The following AHCYL2 variants were observed in gnomAD, a reference collection of about 807,000 sequenced individuals.
AHCYL2 encodes the protein S-adenosylhomocysteine hydrolase-like protein 2.
AHCYL2 carries 28 observed loss-of-function variants against 81.4 expected under a neutral mutation model. That is an observed-to-expected ratio of 0.34 (90% CI 0.25 to 0.47). The LOEUF (loss-of-function observed/expected upper bound fraction) is 0.47, where lower values mean the gene tolerates loss of function less well. Among genes scored for constraint, AHCYL2 ranks in the 20% least tolerant of loss-of-function variants. The pLI is 1.00. For missense variants in AHCYL2, 551 were observed against 785.1 expected, an observed-to-expected ratio of 0.70 and a Z score of 3.56; for synonymous variants, 272 against 290.2, an observed-to-expected ratio of 0.94 and a Z score of 0.64.
At chr7:129,309,960 T>C (rs1173590348) in intron 1 of AHCYL2, among the ~76,000 whole-genome samples, 3 of 152,302 alleles carry the variant, frequency 2.0e-5, no homozygotes, top group Middle Eastern at 6.8e-3. Context: ...TCTTGTGAAC[T>C]CTTTCAACTT....
Position 129,406,559 on chromosome 7 carries a change from GAT to G in AHCYL2, c.1295+94_1295+95del. 1 of 1,156,232 alleles carries G rather than the reference GAT, an allele frequency of 8.6e-7. No homozygotes were observed. The highest frequency in any genetic ancestry group is 2.0e-4 in the Middle Eastern group (1 of 5,046). 71.6% of individuals were successfully genotyped at this position (1,156,232 alleles called of 1,614,324 possible). A position where few individuals can be genotyped will look rare whatever the true frequency, so the allele number is the denominator to read the frequency against. ...CCACACTTTATTTTAGAGGAGCCCA[GAT>G]CCTCAGAGATGCTGCCACTAACTCT... On this transcript the variant is annotated intron_variant, in intron 10 of 16. Transcript: ENST00000325006. This position sits in a 1 kb window ranked among gnomAD's most constrained non-coding sequence, Gnocchi z 4.3.
chr7:129,282,570 T>C (rs1045525534), intron 1 of AHCYL2, among the ~76,000 whole-genome samples: 6 of 152,204 alleles, frequency 3.9e-5, no homozygotes, highest in African/African-American at 1.4e-4. Flanking sequence ...CTTATTTTCT[T>C]TCTCCCATGT....
chr7:129,420,557 G>A (rs867656638), intron 12 of AHCYL2, among the ~76,000 whole-genome samples: 1 of 144,212 alleles, frequency 6.9e-6, no homozygotes, highest in Non-Finnish European at 1.5e-5. Context: ...TCAGCTCACT[G>A]CAGACTCGAC....
At chr7:129,270,808 G>A (rs764323742) in intron 1 of AHCYL2, among the ~76,000 whole-genome samples, 1 of 152,222 alleles carries the variant, frequency 6.6e-6, no homozygotes, top group Non-Finnish European at 1.5e-5. Context: ...TGTCAAGGAA[G>A]TTTGTCCACT....
At chr7:129,303,631 T>C (rs1214227236) in intron 1 of AHCYL2, among the ~76,000 whole-genome samples, 1 of 152,208 alleles carries the variant, frequency 6.6e-6, no homozygotes, top group East Asian at 1.9e-4. Flanking sequence ...TTGTATTGTT[T>C]TCTTCATTTC....
At chr7:129,266,382 C>A (rs1795811199) in intron 1 of AHCYL2, among the ~76,000 whole-genome samples, 1 of 152,166 alleles carries the variant, frequency 6.6e-6, no homozygotes, top group Non-Finnish European at 1.5e-5. Context: ...CACCTTGGGG[C>A]TGGGCGTGGT....
In AHCYL2 at chr7:129,340,223, CT is replaced by C. The variant is rs1397880883; in HGVS notation, c.364-39411del. Among the ~76,000 whole-genome samples, 30 of 148,960 alleles carry C rather than the reference CT, an allele frequency of 2.0e-4. No homozygotes were observed. In the East Asian group the frequency reaches 6.1e-3, roughly 30 times the overall value. ...AGGCATGAGCCACCGCGCCTGGCCC[CT>C]TTTCCTCTGTTCTTTATGACTTTCT... On this transcript the variant is annotated intron_variant, in intron 1 of 16. Coordinates refer to ENST00000325006, the MANE Select transcript of AHCYL2 (RefSeq NM_015328.4).
intron 1 of AHCYL2, among the ~76,000 whole-genome samples, chr7:129,276,036 G>A (rs1001811731): frequency 3.9e-5 from 6 of 152,008 alleles, no homozygotes; most frequent in Admixed American, 1.3e-4. Flanking sequence ...AACTATTCTC[G>A]TACTCAATTC....
intron 2 of AHCYL2, among the ~76,000 whole-genome samples, chr7:129,384,949 A>G (rs1403330174): frequency 3.3e-5 from 5 of 152,076 alleles, no homozygotes; most frequent in Non-Finnish European, 7.4e-5. Flanking sequence ...CTTCTAAAAA[A>G]CTCTTCCCCT....
intron 1 of AHCYL2, among the ~76,000 whole-genome samples, chr7:129,340,670 CATT>C (rs1457857394): frequency 6.6e-5 from 10 of 150,714 alleles, no homozygotes; most frequent in African/African-American, 2.2e-4. Context: ...TTTTAAATTC[CATT>C]ATTTTTAATT....
intron 1 of AHCYL2, among the ~76,000 whole-genome samples, chr7:129,244,446 G>T (rs2694576): frequency 0.93 from 141,319 of 152,144 alleles, 66,531 homozygotes; most frequent in East Asian, 1. Flanking sequence ...AGATAGGGAG[G>T]CTTATAAACA....
rs1310051849 is a variant in AHCYL2, at chr7:129,326,377, A to G, written c.364-53261A>G. Among the ~76,000 whole-genome samples the G allele has an allele frequency of 3.3e-5, 5 of 152,216 alleles. No homozygotes were observed. The East Asian group carries it at 9.7e-4, about 30-fold the overall frequency. On this transcript the variant is annotated intron_variant, in intron 1 of 16. Transcript: ENST00000325006. ...CCCCATCTCTGCTAAAAATAAAAAA[A>G]TTAGCCGGGCGTGGTGGCAGGCGCC...
At chr7:129,267,597 G>A (rs1472602894) in intron 1 of AHCYL2, among the ~76,000 whole-genome samples, 4 of 152,178 alleles carry the variant, frequency 2.6e-5, no homozygotes, top group East Asian at 1.9e-4. Context: ...GAGCCACTGC[G>A]CCCCTCCCCA....
intron 5 of AHCYL2, among the ~76,000 whole-genome samples, chr7:129,397,958 A>G (rs552606598): frequency 2.0e-5 from 3 of 152,358 alleles, no homozygotes; most frequent in East Asian, 3.9e-4. Context: ...CTTTATTAAT[A>G]CAAATATTAA....
Position 129,422,934 on chromosome 7 carries a change from C to A in AHCYL2, c.1556C>A (p.Ala519Glu). ...WPDGKRIVLL[A>E]EGRLLNLSCS... ...GATGGCAAGAGGATAGTACTGCTGG[C>A]AGAGGTAAGGCTGAGACTGGCAAAA... is the stretch of plus-strand genomic sequence containing the variant. The change falls in exon 13 of 17, where the codon GCA becomes GAA. Residue 519 changes from alanine (A) to glutamate (E), a missense_variant. By Grantham distance (107) the Ala-to-Glu change is moderately radical. Transcript: ENST00000325006. 6.2e-7 allele frequency: 1 copy of A among 1,613,864 alleles called. No individual in the cohort carries two copies. The highest frequency in any genetic ancestry group is 8.5e-7 in the Non-Finnish European group (1 of 1,179,864).
intron 1 of AHCYL2, among the ~76,000 whole-genome samples, chr7:129,342,932 C>T (rs1410327234): frequency 6.6e-6 from 1 of 152,088 alleles, no homozygotes; most frequent in Non-Finnish European, 1.5e-5. Flanking sequence ...TATCTTGAAA[C>T]AATTTCATTT....
chr7:129,377,594 C>A (rs1197506345), intron 1 of AHCYL2: 2 of 456,682 alleles, frequency 4.4e-6, no homozygotes, highest in South Asian at 3.1e-5. Flanking sequence ...ATGTTCTGCC[C>A]ATCAAGGAAC....
chr7:129,339,996 G>A (rs1362279644), intron 1 of AHCYL2, among the ~76,000 whole-genome samples: 1 of 134,154 alleles, frequency 7.5e-6, no homozygotes, highest in African/African-American at 2.8e-5. Context: ...TCGGCTCACT[G>A]CAAGCTCCGC....
chr7:129,391,801 A>G (rs1270683596), intron 4 of AHCYL2, among the ~76,000 whole-genome samples: 2 of 152,238 alleles, frequency 1.3e-5, no homozygotes, highest in South Asian at 2.1e-4. Context: ...GACAGCTTCT[A>G]TTAGCATCTT....
Sources: gnomAD v4.1 joint callset for allele counts (sites outside exome capture counted in the v4.1 genomes callset) on GRCh38, gnomAD v4.1.1 for gene constraint, Gnocchi (gnomAD v3.1) non-coding constraint, MANE v1.5 for transcripts, NCBI Gene and HGNC (gene_info 2026-07-23, HGNC 2026-07-21) for gene names.